Variants in OSM observed in about 807,000 individuals in gnomAD.
OSM encodes the protein oncostatin-M.
In OSM, 1 loss-of-function variant was observed where a neutral mutation model predicts 6.3. The observed-to-expected ratio is 0.16, with a 90% CI of 0.06 to 0.76. The LOEUF is 0.76. Among genes scored for constraint, OSM ranks in the 30% least tolerant of loss-of-function variants. The pLI is 0.77. For missense variants in OSM, 324 were observed against 336.9 expected (o/e 0.96, Z 0.30); for synonymous variants, 135 against 143.4 (o/e 0.94, Z 0.42).
rs948336589 is a variant in OSM at position 30,264,090 on chromosome 22, A to G, written c.552T>C (p.Ala184=). The G allele has an allele frequency of 1.2e-6, 2 of 1,606,996 alleles. No individual in the cohort carries two copies. The highest frequency in any genetic ancestry group is 1.7e-6 in the Non-Finnish European group (2 of 1,175,108). The part of the protein sequence containing the change: ...QPPTPTPASD[A]FQRKLEGCRF... The stretch of plus-strand genomic sequence containing the variant: ...TGCAGCCCTCCAGCTTGCGCTGAAA[A>G]GCATCCGAGGCAGGGGTGGGGGTGG... The change falls in exon 3 of 3, where the codon GCT becomes GCC. Residue 184 remains alanine, a synonymous_variant. Transcript: ENST00000215781.
rs145296302 is a variant in OSM, at chr22:30,264,118, G to A, written c.524C>T (p.Pro175Leu). 58 of 1,611,534 alleles carry A rather than the reference G, an allele frequency of 3.6e-5. No individual in the cohort carries two copies. Among genetic ancestry groups the A allele is most frequent in the Non-Finnish European group, 4.5e-5 (53 of 1,178,446 alleles). ...PTKAGRGASQ[P>L]PTPTPASDAF... ...ATCCGAGGCAGGGGTGGGGGTGGGC[G>A]GCTGAGAGGCCCCCCGGCCAGCCTT... Residue 175 changes from proline (P) to leucine (L), a missense_variant, in exon 3 of 3, where the codon CCG (proline) becomes CTG (leucine). Physicochemically the swap from Pro to Leu is moderately conservative, Grantham distance 98. Transcript: ENST00000215781.
intron 1 of OSM, chr22:30,265,515 G>T: frequency 3.4e-6 from 2 of 596,570 alleles, no homozygotes; most frequent in Non-Finnish European, 4.4e-6. Context: ...CTGGCTCCCT[G>T]CAAGACCACT....
Position 30,264,317 on chromosome 22 carries a change from T to G in OSM, c.325A>C (p.Arg109=), listed in dbSNP as rs201202342. 163 of 1,613,942 alleles carry G rather than the reference T, an allele frequency of 1.0e-4. No homozygotes were observed. The highest frequency in any genetic ancestry group is 1.3e-4 in the Non-Finnish European group (159 of 1,180,046). ...LNATLGCVLH[R]LADLEQRLPK... is the part of the protein sequence containing the mutation. ...AGGCGCTGCTCTAAGTCGGCCAGTCTGTGCAGGACGCAGCCCAGTGTGGCA... is the reference window on the plus strand; with the variant it reads ...AGGCGCTGCTCTAAGTCGGCCAGTCGGTGCAGGACGCAGCCCAGTGTGGCA... The change falls in exon 3 of 3, where the codon AGA becomes CGA. Residue 109 remains arginine, a synonymous_variant. Transcript: ENST00000215781.
Position 30,263,521 on chromosome 22 carries a change from A to C in OSM, c.*362T>G. 3.9e-6 allele frequency: 1 copy of C among 255,582 alleles called. No individual in the cohort carries two copies. Among genetic ancestry groups the C allele is most frequent in the Non-Finnish European group, 7.4e-6 (1 of 135,148 alleles). 15.8% of individuals were successfully genotyped at this position (255,582 alleles called of 1,614,324 possible). ...TCTGGGGGCAACGGCCCTGCAAGTC[A>C]TGAGAGGGAAGGACCGGCAGGCCTC... is the stretch of plus-strand genomic sequence containing the variant. On this transcript the variant is annotated 3_prime_UTR_variant, in exon 3 of 3. Transcript: ENST00000215781.
rs949846179 is a variant in OSM at position 30,266,471 on chromosome 22, C to T, written c.34+295G>A. 3.3e-5 allele frequency among the ~76,000 whole-genome samples: 5 copies of T among 152,186 alleles called. No individual in the cohort carries two copies. The highest frequency in any genetic ancestry group is 1.2e-4 in the African/African-American group (5 of 41,438). ...TTCTGAGCCTCCCTCTCCTGCCCAGCCTCTTTGCCCATCCTATTCTCTCAC... is the reference window on the plus strand; with the variant it reads ...TTCTGAGCCTCCCTCTCCTGCCCAGTCTCTTTGCCCATCCTATTCTCTCAC... On this transcript the variant is annotated intron_variant, in intron 1 of 2. Transcript: ENST00000215781. The surrounding 1 kb of genome is among the most constrained non-coding windows in gnomAD (Gnocchi z 5.0).
At position 30,263,541 on chromosome 22, in the gene OSM, G is replaced by A. The variant is rs1056647267; in HGVS notation, c.*342C>T. 5.1e-5 allele frequency: 15 copies of A among 292,132 alleles called. No individual in the cohort carries two copies. Among genetic ancestry groups the A allele is most frequent in the African/African-American group, 3.2e-4 (15 of 46,228 alleles). 18.1% of individuals were successfully genotyped at this position (292,132 alleles called of 1,614,324 possible). ...AAGTCATGAGAGGGAAGGACCGGCA[G>A]GCCTCGGGGAGCAAGGCAGGGGGGC... On this transcript the variant is annotated 3_prime_UTR_variant, in exon 3 of 3. Transcript: ENST00000215781.
intron 2 of OSM, 103 bp downstream of exon 2, chr22:30,264,899 T>C: frequency 1.5e-6 from 2 of 1,369,588 alleles, no homozygotes. Flanking sequence ...TTCCCCGACC[T>C]GGCCATATGG....
Position 30,266,363 on chromosome 22 carries a change from A to T in OSM, c.34+403T>A. On this transcript the variant is annotated intron_variant, in intron 1 of 2. Transcript: ENST00000215781. This position sits in a 1 kb window ranked among gnomAD's most constrained non-coding sequence, Gnocchi z 5.0. ...TGATTGTGTGGGCCCTGGGGCCCCC[A>T]GGCCTGGCTGACTTTCTATTCATCC... is the stretch of plus-strand genomic sequence containing the variant. Among the ~76,000 whole-genome samples the T allele has an allele frequency of 6.6e-6, 1 of 152,008 alleles. No individual in the cohort carries two copies. Among genetic ancestry groups the T allele is most frequent in the East Asian group, 1.9e-4 (1 of 5,174 alleles).
Position 30,264,149 on chromosome 22 carries a change from G to T in OSM, c.493C>A (p.Pro165Thr). 2 of 1,613,582 alleles carry T rather than the reference G, an allele frequency of 1.2e-6. No individual in the cohort carries two copies. The highest frequency in any genetic ancestry group is 1.7e-6 in the Non-Finnish European group (2 of 1,179,918). The change falls in exon 3 of 3, where the codon CCC (proline) becomes ACC (threonine). Residue 165 changes from proline (P) to threonine (T), a missense_variant. Coordinates refer to ENST00000215781, the MANE Select transcript of OSM (RefSeq NM_020530.6). Reference protein sequence around the residue: ...QLLDNSDTAEPTKAGRGASQP... With the variant: ...QLLDNSDTAETTKAGRGASQP... ...GAGGCCCCCCGGCCAGCCTTCGTGG[G>T]CTCAGCCGTGTCTGAGTTGTCCAGC...
At position 30,263,861 on chromosome 22, in the gene OSM, C is replaced by T; in HGVS notation, c.*22G>A. 5 of 1,479,170 alleles carry T rather than the reference C, an allele frequency of 3.4e-6. No individual in the cohort carries two copies. The highest frequency in any genetic ancestry group is 3.6e-6 in the Non-Finnish European group (4 of 1,115,304). The allele number at this position is 1,479,170 out of a possible 1,614,324, so 91.6% of individuals were successfully genotyped here. On this transcript the variant is annotated 3_prime_UTR_variant, in exon 3 of 3. Coordinates refer to ENST00000215781, the MANE Select transcript of OSM (RefSeq NM_020530.6). The stretch of plus-strand genomic sequence containing the variant: ...CACAGAGCACCTGCCGCATCCTTCA[C>T]CGGCAAGGGGTGCTCTCGAGGCTAC...
rs1007656951 is a variant in OSM at position 30,266,633 on chromosome 22, C to T, written c.34+133G>A. On this transcript the variant is annotated intron_variant, in intron 1 of 2. Coordinates refer to ENST00000215781, the MANE Select transcript of OSM (RefSeq NM_020530.6). The surrounding 1 kb of genome is among the most constrained non-coding windows in gnomAD (Gnocchi z 5.0). ...CTCTGCCTGACCTCCTGGCTCTCTC[C>T]CCTTCTCAGCATCCTTCTGCCTGGC... 4.3e-6 allele frequency: 4 copies of T among 937,166 alleles called. No homozygotes were observed. Among genetic ancestry groups the T allele is most frequent in the African/African-American group, 3.3e-5 (2 of 60,404 alleles). The allele number at this position is 937,166 out of a possible 1,614,324, so 58.1% of individuals were successfully genotyped here.
At position 30,263,547 on chromosome 22, in the gene OSM, G is replaced by C. The variant is rs2070890; in HGVS notation, c.*336C>G. 1 of 300,256 alleles carries C rather than the reference G, an allele frequency of 3.3e-6. No homozygotes were observed. Among genetic ancestry groups the C allele is most frequent in the East Asian group, 5.4e-5 (1 of 18,548 alleles). The allele number at this position is 300,256 out of a possible 1,614,324, so 18.6% of individuals were successfully genotyped here. On this transcript the variant is annotated 3_prime_UTR_variant, in exon 3 of 3. Transcript: ENST00000215781. ...TGAGAGGGAAGGACCGGCAGGCCTC[G>C]GGGAGCAAGGCAGGGGGGCAGTCAG...
Position 30,264,102 on chromosome 22 carries a change from A to AGGGGTG in OSM, c.534_539dup (p.Thr179_Pro180dup). The AGGGGTG allele has an allele frequency of 6.2e-7, 1 of 1,604,086 alleles. No individual in the cohort carries two copies. Among genetic ancestry groups the AGGGGTG allele is most frequent in the Non-Finnish European group, 8.5e-7 (1 of 1,172,028 alleles). On this transcript the variant is annotated inframe_insertion, in exon 3 of 3. Coordinates refer to ENST00000215781, the MANE Select transcript of OSM (RefSeq NM_020530.6). ...GCTTGCGCTGAAAAGCATCCGAGGC[A>AGGGGTG]GGGGTGGGGGTGGGCGGCTGAGAGG...
chr22:30,265,355 G>A lies in OSM; in HGVS notation c.35-211C>T, dbSNP rs1001566032. ...ATCTCCCCAGTAAGTCACTGCCCAGGGCCTGACACAGCAAGCAGTGGGAGG... is the reference window on the plus strand; with the variant it reads ...ATCTCCCCAGTAAGTCACTGCCCAGAGCCTGACACAGCAAGCAGTGGGAGG... On this transcript the variant is annotated intron_variant, in intron 1 of 2. Coordinates refer to ENST00000215781, the MANE Select transcript of OSM (RefSeq NM_020530.6). The A allele has an allele frequency of 5.1e-6, 5 of 985,364 alleles. No homozygotes were observed. The African/African-American group carries it at 8.7e-5, about 17-fold the overall frequency. 61.0% of individuals were successfully genotyped at this position (985,364 alleles called of 1,614,324 possible).
In OSM at chr22:30,263,807, G is replaced by T. The variant is rs940907303; in HGVS notation, c.*76C>A. 1 of 1,206,600 alleles carries T rather than the reference G, an allele frequency of 8.3e-7. No individual in the cohort carries two copies. The highest frequency in any genetic ancestry group is 1.1e-6 in the Non-Finnish European group (1 of 882,600). The allele number at this position is 1,206,600 out of a possible 1,614,324, so 74.7% of individuals were successfully genotyped here. ...GGGGAACAGGTTTGGGGACCCGGGAGCTGTCATCCTGCGATGGTTCCTCTC... is the reference window on the plus strand; with the variant it reads ...GGGGAACAGGTTTGGGGACCCGGGATCTGTCATCCTGCGATGGTTCCTCTC... On this transcript the variant is annotated 3_prime_UTR_variant, in exon 3 of 3. Transcript: ENST00000215781.
At chr22:30,264,859 G>A (rs1207845444) in intron 2 of OSM, 143 bp downstream of exon 2, 1 of 1,091,032 alleles carries the variant, frequency 9.2e-7, no homozygotes, top group Non-Finnish European at 1.3e-6. Flanking sequence ...AGCTCCTCAG[G>A]GTTAAGGCTG....
At position 30,264,930 on chromosome 22, in the gene OSM, C is replaced by G. The variant is rs559814880; in HGVS notation, c.177+72G>C. 5.1e-6 allele frequency: 8 copies of G among 1,563,972 alleles called. No homozygotes were observed. In the East Asian group the frequency reaches 1.6e-4, roughly 31 times the overall value. On this transcript the variant is annotated intron_variant, in intron 2 of 2. Coordinates refer to ENST00000215781, the MANE Select transcript of OSM (RefSeq NM_020530.6). ...TATGGAGTGGGGCTAGGCCTGTCCT[C>G]CCTGCTTCTCACTCCCTTCCTAACC...
intron 1 of OSM, 172 bp from the exon 2 acceptor site, chr22:30,265,316 C>T (rs1601654272): frequency 1.0e-6 from 1 of 985,454 alleles, no homozygotes; most frequent in Non-Finnish European, 1.2e-6. Context: ...GGTGTGCCCA[C>T]CAAGGCCACC....
At position 30,263,658 on chromosome 22, in the gene OSM, C is replaced by G. The variant is rs1030265685; in HGVS notation, c.*225G>C. On this transcript the variant is annotated 3_prime_UTR_variant, in exon 3 of 3. Coordinates refer to ENST00000215781, the MANE Select transcript of OSM (RefSeq NM_020530.6). ...TGGCCCGCCCGGCCACCCCACTGGG[C>G]CTGGGGAACTTGGGGCTGAGGTGGG... 1 of 416,912 alleles carries G rather than the reference C, an allele frequency of 2.4e-6. No individual in the cohort carries two copies. The highest frequency in any genetic ancestry group is 4.2e-6 in the Non-Finnish European group (1 of 237,008). The allele number at this position is 416,912 out of a possible 1,614,324, so 25.8% of individuals were successfully genotyped here. A position where few individuals can be genotyped will look rare whatever the true frequency, so the allele number is the denominator to read the frequency against.
Sources: gnomAD v4.1 joint callset for allele counts (sites outside exome capture counted in the v4.1 genomes callset) on GRCh38, gnomAD v4.1.1 for gene constraint, Gnocchi (gnomAD v3.1) non-coding constraint, MANE v1.5 for transcripts, NCBI Gene and HGNC (gene_info 2026-07-23, HGNC 2026-07-21) for gene names.